TOP2B: variants seen among roughly 807,000 people sequenced by gnomAD.
TOP2B encodes DNA topoisomerase 2-beta.
Under a neutral mutation model 193.5 loss-of-function variants are expected in TOP2B, and 51 were observed. That is an observed-to-expected ratio of 0.26 (90% CI 0.21 to 0.33). TOP2B has a LOEUF of 0.33. TOP2B is among the 10% of genes least tolerant of loss of function. TOP2B has a pLI of 1.00. For synonymous variants in TOP2B, 634 were observed against 635.7 expected, an observed-to-expected ratio of 1.00 and a Z score of 0.04; for missense variants, 1,378 against 1,909.3, an observed-to-expected ratio of 0.72 and a Z score of 5.19.
At chr3:25,649,082 T>C (rs1274470675) in intron 1 of TOP2B, among the ~76,000 whole-genome samples, 1 of 152,174 alleles carries the variant, frequency 6.6e-6, no homozygotes, top group African/African-American at 2.4e-5. Flanking sequence ...AACTGAAGCA[T>C]ACAGTAAATG....
intron 1 of TOP2B, among the ~76,000 whole-genome samples, chr3:25,662,009 G>C (rs955845627): frequency 1.3e-5 from 2 of 152,096 alleles, no homozygotes; most frequent in African/African-American, 4.8e-5. Context: ...GCCCCAACTC[G>C]TGCAAAGGAA....
At chr3:25,619,513 A>G (rs1299400122) in intron 23 of TOP2B, among the ~76,000 whole-genome samples, 1 of 152,156 alleles carries the variant, frequency 6.6e-6, no homozygotes, top group East Asian at 1.9e-4. Context: ...AAAGCAGATT[A>G]GAGTTATGAG....
intron 1 of TOP2B, among the ~76,000 whole-genome samples, chr3:25,663,870 A>C (rs1283335773): frequency 6.6e-6 from 1 of 152,024 alleles, no homozygotes; most frequent in Non-Finnish European, 1.5e-5. Flanking sequence ...GCTGCCCCAC[A>C]CAGACACACT....
intron 1 of TOP2B, among the ~76,000 whole-genome samples, chr3:25,653,335 A>G (rs1362208779): frequency 6.6e-6 from 1 of 152,148 alleles, no homozygotes; most frequent in East Asian, 1.9e-4. Flanking sequence ...CTACAGAACA[A>G]TACCCGTGAT....
Position 25,643,754 on chromosome 3 carries a change from T to C in TOP2B, c.271A>G (p.Met91Val). The C allele has an allele frequency of 6.2e-7, 1 of 1,613,426 alleles. No individual in the cohort carries two copies. Among genetic ancestry groups the C allele is most frequent in the African/African-American group, 1.3e-5 (1 of 75,028 alleles). The change falls in exon 3 of 36, where the codon ATG (methionine) becomes GTG (valine). Residue 91 changes from methionine (M) to valine (V), a missense_variant. Physicochemically the swap from Met to Val is conservative, Grantham distance 21. Around this residue, in one of 9 missense-constraint regions of TOP2B, gnomAD observed 35 missense variants for 85.8 expected, o/e 0.41. Transcript: ENST00000264331. Reference protein sequence around the residue: ...FMWVYDEDVGMNCREVTFVPG... With the variant: ...FMWVYDEDVGVNCREVTFVPG... ...ACAAAGGTAACCTCCCTGCAATTCA[T>C]TCCTACATCTTCATCATACACCCAC...
intron 27 of TOP2B, among the ~76,000 whole-genome samples, chr3:25,614,732 A>G (rs1213060920): frequency 3.3e-5 from 5 of 152,184 alleles, no homozygotes; most frequent in Non-Finnish European, 2.9e-5. Context: ...GCAATTTTAG[A>G]AAAGGTGTGC....
intron 21 of TOP2B, among the ~76,000 whole-genome samples, chr3:25,622,893 C>T (rs1354718055): frequency 2.6e-5 from 4 of 152,064 alleles, no homozygotes; most frequent in African/African-American, 7.2e-5. Flanking sequence ...CCACCCACCT[C>T]GGCCTCCAAA....
chr3:25,645,304 G>T lies in TOP2B; in HGVS notation c.236C>A (p.Thr79Lys). The T allele has an allele frequency of 6.5e-7, 1 of 1,542,328 alleles. No homozygotes were observed. Among genetic ancestry groups the T allele is most frequent in the South Asian group, 1.3e-5 (1 of 77,496 alleles). ...ATCAATTTTAGCAATAATTACCTGC[G>T]TCAATGGCTCCACTGACCCAATATA... ...DTYIGSVEPL[T>K]QFMWVYDEDV... The change falls in exon 2 of 36, where the codon ACG becomes AAG. Residue 79 changes from threonine to lysine, a missense_variant. Thr to Lys is a moderately conservative substitution (Grantham distance 78). Coordinates refer to ENST00000264331, the MANE Select transcript of TOP2B (RefSeq NM_001330700.2).
At chr3:25,642,496 T>C in intron 3 of TOP2B, 111 bp from the exon 4 acceptor site, 2 of 526,854 alleles carry the variant, frequency 3.8e-6, no homozygotes, top group East Asian at 3.2e-5. Flanking sequence ...ATGGTAATAG[T>C]TAATGAAAAT....
chr3:25,618,569 T>C (rs1702572967), intron 24 of TOP2B, 60 bp from the exon 25 acceptor site: 1 of 1,537,348 alleles, frequency 6.5e-7, no homozygotes, highest in Admixed American at 2.0e-5. Context: ...TATTTGCTTA[T>C]ATTCTACTGA....
At position 25,604,858 on chromosome 3, in the gene TOP2B, A is replaced by C; in HGVS notation, c.4391T>G (p.Phe1464Cys). ...AGCAGAATCTTCTTCATTACTGTCA[A>C]ATTTAGCTGAATCTAAAAATTGCAA... Reference protein sequence around the residue: ...SQKSEDDSAKFDSNEEDSASV... With the variant: ...SQKSEDDSAKCDSNEEDSASV... The change falls in exon 33 of 36, where the codon TTT (phenylalanine) becomes TGT (cysteine). Residue 1464 changes from phenylalanine (F) to cysteine (C), a missense_variant. Coordinates refer to ENST00000264331, the MANE Select transcript of TOP2B (RefSeq NM_001330700.2). 6.2e-7 allele frequency: 1 copy of C among 1,611,908 alleles called. No individual in the cohort carries two copies. The highest frequency in any genetic ancestry group is 2.2e-5 in the East Asian group (1 of 44,694).
chr3:25,631,002 A>T (rs1014329030), intron 10 of TOP2B, 63 bp from the exon 11 acceptor site: 4 of 1,410,200 alleles, frequency 2.8e-6, no homozygotes, highest in Admixed American at 2.5e-5. Flanking sequence ...GCTAAAATGT[A>T]TAGGGCCTAA....
intron 5 of TOP2B, among the ~76,000 whole-genome samples, chr3:25,637,740 A>G (rs1384850087): frequency 6.6e-6 from 1 of 152,064 alleles, no homozygotes; most frequent in Non-Finnish European, 1.5e-5. Context: ...GGCAACATAA[A>G]TAAGTATGAA....
intron 33 of TOP2B, among the ~76,000 whole-genome samples, chr3:25,603,741 A>G (rs894754638): frequency 1.3e-5 from 2 of 152,252 alleles, no homozygotes; most frequent in African/African-American, 2.4e-5. Flanking sequence ...TCATCACTCT[A>G]GGAGCTTAAT....
chr3:25,609,456 T>C (rs571247966), intron 29 of TOP2B, 112 bp from the exon 30 acceptor site: 10 of 1,464,558 alleles, frequency 6.8e-6, no homozygotes, highest in Middle Eastern at 1.8e-4. Flanking sequence ...TTTATGAAAA[T>C]TGAAGGCATT....
At chr3:25,618,154 A>G (rs1346924081) in intron 25 of TOP2B, 12 of 388,036 alleles carry the variant, frequency 3.1e-5, no homozygotes, top group Non-Finnish European at 5.6e-5. Flanking sequence ...AAAAAAGGTC[A>G]AGGAGACTGA....
Position 25,598,224 on chromosome 3 carries a change from C to A in TOP2B, c.*83G>T. 2 of 1,379,046 alleles carry A rather than the reference C, an allele frequency of 1.5e-6. No individual in the cohort carries two copies. Among genetic ancestry groups the A allele is most frequent in the Middle Eastern group, 2.1e-4 (1 of 4,672 alleles). The allele number at this position is 1,379,046 out of a possible 1,614,324, so 85.4% of individuals were successfully genotyped here. A position where few individuals can be genotyped will look rare whatever the true frequency, so the allele number is the denominator to read the frequency against. On this transcript the variant is annotated 3_prime_UTR_variant, in exon 36 of 36. Coordinates refer to ENST00000264331, the MANE Select transcript of TOP2B (RefSeq NM_001330700.2). The stretch of plus-strand genomic sequence containing the variant: ...AATTACATCATCACATTAAAATAAG[C>A]CAGATGTACAAAAGTCTGAGACAGA...
At chr3:25,615,336 T>C (rs750489839) in intron 26 of TOP2B, 48 bp from the exon 27 acceptor site, 2 of 1,573,600 alleles carry the variant, frequency 1.3e-6, no homozygotes, top group South Asian at 1.2e-5. Flanking sequence ...TTAAAACATA[T>C]GAAGGATAAA....
At chr3:25,629,891 G>A (rs1316632714) in intron 13 of TOP2B, 138 bp downstream of exon 13, 24 of 871,146 alleles carry the variant, frequency 2.8e-5, no homozygotes, top group Admixed American at 6.4e-5. Flanking sequence ...ACTAAATGAC[G>A]TGGTTTTTTC....
Sources: gnomAD v4.1 joint callset for allele counts (sites outside exome capture counted in the v4.1 genomes callset) on GRCh38, gnomAD v4.1.1 for gene constraint, gnomAD v4.1.1 regional missense constraint, MANE v1.5 for transcripts, NCBI Gene and HGNC (gene_info 2026-07-23, HGNC 2026-07-21) for gene names.